The following NKD1 variants were observed in gnomAD, a reference collection of about 807,000 sequenced individuals.
NKD1 encodes the protein protein naked cuticle homolog 1.
In NKD1, 21 loss-of-function variants were observed where a neutral mutation model predicts 56.0. The ratio of observed to expected loss-of-function variants is 0.38; its 90% confidence interval spans 0.27 to 0.54. The LOEUF (loss-of-function observed/expected upper bound fraction) is 0.54. Among genes scored for constraint, NKD1 ranks in the 20% least tolerant of loss-of-function variants. The pLI is 0.82. For synonymous variants in NKD1, 263 were observed against 265.7 expected (o/e 0.99, Z 0.10); for missense variants, 578 against 642.7 (o/e 0.90, Z 1.09).
At chr16:50,608,023 T>C (rs1961752954) in intron 3 of NKD1, 1 of 454,512 alleles carries the variant, frequency 2.2e-6, no homozygotes, top group Non-Finnish European at 4.0e-6. Flanking sequence ...GGAAGGCATG[T>C]GTGTTGGTGA....
intron 6 of NKD1, among the ~76,000 whole-genome samples, chr16:50,628,244 G>A (rs1247386320): frequency 6.6e-6 from 1 of 152,210 alleles, no homozygotes; most frequent in African/African-American, 2.4e-5. Context: ...GCTTTTCTGT[G>A]TGACCCCCTC....
In NKD1 at chr16:50,549,417, C is replaced by T; in HGVS notation, c.59-5C>T. On this transcript the variant is annotated splice_polypyrimidine_tract_variant and splice_region_variant and intron_variant, in intron 2 of 9. Coordinates refer to ENST00000268459, the MANE Select transcript of NKD1 (RefSeq NM_033119.5). ...CTCAGGGGCTTCATGTCGTCCCCGT[C>T]CCAGGTGACAGCTTCGCCGTGAGCG... The T allele has an allele frequency of 6.2e-7, 1 of 1,610,556 alleles. No homozygotes were observed. The highest frequency in any genetic ancestry group is 1.7e-5 in the Admixed American group (1 of 59,816).
intron 5 of NKD1, among the ~76,000 whole-genome samples, chr16:50,622,432 G>A (rs549264578): frequency 6.6e-6 from 1 of 152,054 alleles, no homozygotes; most frequent in Admixed American, 6.5e-5. Context: ...AGTGCTGAGA[G>A]CCAGGCCCAG....
At chr16:50,581,119 C>T (rs1961106580) in intron 3 of NKD1, among the ~76,000 whole-genome samples, 2 of 152,186 alleles carry the variant, frequency 1.3e-5, no homozygotes, top group Admixed American at 1.3e-4. Flanking sequence ...CTCCTTAGCT[C>T]CTATGGGATT....
chr16:50,579,505 G>A (rs1241694113), intron 3 of NKD1, among the ~76,000 whole-genome samples: 2 of 119,562 alleles, frequency 1.7e-5, no homozygotes, highest in Non-Finnish European at 3.4e-5. Context: ...ACTCTAACCC[G>A]CCACGCATGC....
rs1961138214 is a variant in NKD1, at chr16:50,582,478, G to A, written c.193-25816G>A. Among the ~76,000 whole-genome samples the A allele has an allele frequency of 2.0e-5, 3 of 152,306 alleles. No homozygotes were observed. The South Asian group carries it at 6.2e-4, about 32-fold the overall frequency. On this transcript the variant is annotated intron_variant, in intron 3 of 9. Transcript: ENST00000268459. ...ACCTTCCAGACATCCCTGTGTATGT[G>A]CAGGGAGAGGAACATTGCCATTCAG...
Position 50,630,879 on chromosome 16 carries a change from A to G in NKD1, c.664A>G (p.Ser222Gly), listed in dbSNP as rs912758123. 1.2e-6 allele frequency: 2 copies of G among 1,605,450 alleles called. No individual in the cohort carries two copies. Among genetic ancestry groups the G allele is most frequent in the Non-Finnish European group, 1.7e-6 (2 of 1,176,474 alleles). ...AETKPTEDLR[S>G]WEKKQRAPLR... ...GACCAAGCCCACTGAGGACCTGCGGAGCTGGGAGAAGAAGCAGCGAGCCCC... is the reference window on the plus strand; with the variant it reads ...GACCAAGCCCACTGAGGACCTGCGGGGCTGGGAGAAGAAGCAGCGAGCCCC... The change falls in exon 8 of 10, where the codon AGC (serine) becomes GGC (glycine). Residue 222 changes from serine to glycine, a missense_variant. Transcript: ENST00000268459.
rs1289350941 is a variant in NKD1, at chr16:50,548,473, G to A, written c.-81G>A. ...CCGCTCGGCTCGGGGGCTGCTTCGGGAGGAGGAGAGCCAAGGGAGGCGCCA... is the reference window on the plus strand; with the variant it reads ...CCGCTCGGCTCGGGGGCTGCTTCGGAAGGAGGAGAGCCAAGGGAGGCGCCA... On this transcript the variant is annotated 5_prime_UTR_variant, in exon 1 of 10. Coordinates refer to ENST00000268459, the MANE Select transcript of NKD1 (RefSeq NM_033119.5). 8.5e-7 allele frequency: 1 copy of A among 1,182,292 alleles called. No homozygotes were observed. The highest frequency in any genetic ancestry group is 1.8e-5 in the South Asian group (1 of 56,988). The allele number at this position is 1,182,292 out of a possible 1,614,324, so 73.2% of individuals were successfully genotyped here.
At chr16:50,567,753 A>G (rs536954037) in intron 3 of NKD1, among the ~76,000 whole-genome samples, 10 of 152,132 alleles carry the variant, frequency 6.6e-5, no homozygotes, top group Non-Finnish European at 1.3e-4. Flanking sequence ...GGTGGTGGGT[A>G]TTGTTCTGGT....
intron 3 of NKD1, among the ~76,000 whole-genome samples, chr16:50,590,414 C>T (rs1357802103): frequency 6.6e-6 from 1 of 152,226 alleles, no homozygotes; most frequent in African/African-American, 2.4e-5. Flanking sequence ...TGTTTAGAAA[C>T]AGTCATCCTT....
At chr16:50,611,729 C>T (rs2151276318) in intron 4 of NKD1, among the ~76,000 whole-genome samples, 1 of 152,300 alleles carries the variant, frequency 6.6e-6, no homozygotes, top group Middle Eastern at 3.4e-3. Flanking sequence ...GCAGCTCAGA[C>T]CCCATTCCAG....
intron 3 of NKD1, among the ~76,000 whole-genome samples, chr16:50,601,886 A>C (rs1208073857): frequency 6.6e-6 from 1 of 152,036 alleles, no homozygotes; most frequent in Non-Finnish European, 1.5e-5. Context: ...CCAGGCAAGG[A>C]GGGGCGGGTC....
intron 3 of NKD1, among the ~76,000 whole-genome samples, chr16:50,559,697 T>G (rs1008089257): frequency 2.0e-5 from 3 of 152,080 alleles, no homozygotes; most frequent in African/African-American, 4.8e-5. Flanking sequence ...GACTCCAGCT[T>G]TCTGGTCAGG....
At chr16:50,565,841 T>C (rs547103291) in intron 3 of NKD1, among the ~76,000 whole-genome samples, 1 of 152,372 alleles carries the variant, frequency 6.6e-6, no homozygotes, top group South Asian at 2.1e-4. Context: ...ATGTATAATC[T>C]TATTGTTCTT....
rs752021714 is a variant in NKD1 at position 50,574,598 on chromosome 16, C to T, written c.192+25043C>T. The T allele has an allele frequency of 1.4e-4, 140 of 985,300 alleles. No individual in the cohort carries two copies. In the Middle Eastern group the frequency reaches 2.1e-3, roughly 15 times the overall value. The allele number at this position is 985,300 out of a possible 1,614,324, so 61.0% of individuals were successfully genotyped here. The stretch of plus-strand genomic sequence containing the variant: ...GTTGGAGTTCATTAGCAGCTGGCCT[C>T]GCAGGCCTGGCCTCCAGCGGGCAGG... On this transcript the variant is annotated intron_variant, in intron 3 of 9. Coordinates refer to ENST00000268459, the MANE Select transcript of NKD1 (RefSeq NM_033119.5).
At chr16:50,627,185 ATT>A (rs1962239756) in intron 6 of NKD1, among the ~76,000 whole-genome samples, 1 of 152,144 alleles carries the variant, frequency 6.6e-6, no homozygotes, top group Non-Finnish European at 1.5e-5. Flanking sequence ...TGTAACTGAA[ATT>A]TGGTCCGGGG....
At chr16:50,603,621 A>G (rs1000203997) in intron 3 of NKD1, among the ~76,000 whole-genome samples, 1 of 152,232 alleles carries the variant, frequency 6.6e-6, no homozygotes, top group Non-Finnish European at 1.5e-5. Flanking sequence ...AAGATTGACA[A>G]AGCACTGCTG....
At chr16:50,549,003 C>G in intron 2 of NKD1, 5 of 865,554 alleles carry the variant, frequency 5.8e-6, no homozygotes, top group Non-Finnish European at 6.9e-6. Flanking sequence ...CCTCGGCTCT[C>G]ACGGCACCCT....
rs1962383290 is a variant in NKD1 at position 50,633,157 on chromosome 16, G to T, written c.824-35G>T. 6.4e-7 allele frequency: 1 copy of T among 1,557,580 alleles called. No homozygotes were observed. The highest frequency in any genetic ancestry group is 1.4e-5 in the African/African-American group (1 of 73,858). ...ATAGCGCAAGCCCCAGCACACAGTA[G>T]GTGCTCATTAAATGTCTGTTGAATT... On this transcript the variant is annotated intron_variant, in intron 9 of 9. Coordinates refer to ENST00000268459, the MANE Select transcript of NKD1 (RefSeq NM_033119.5). The surrounding 1 kb of genome is among the most constrained non-coding windows in gnomAD (Gnocchi z 4.9).
Sources: gnomAD v4.1 joint callset for allele counts (sites outside exome capture counted in the v4.1 genomes callset) on GRCh38, gnomAD v4.1.1 for gene constraint, Gnocchi (gnomAD v3.1) non-coding constraint, MANE v1.5 for transcripts, NCBI Gene and HGNC (gene_info 2026-07-23, HGNC 2026-07-21) for gene names.